GPC5: variants seen among roughly 807,000 people sequenced by gnomAD.
The protein encoded by GPC5 is glypican 5.
Under a neutral mutation model 53.9 loss-of-function variants are expected in GPC5, and 47 were observed. The ratio of observed to expected loss-of-function variants is 0.87; its 90% CI spans 0.69 to 1.11. The LOEUF (loss-of-function observed/expected upper bound fraction) is 1.11, where lower values mean the gene tolerates loss of function less well. Among genes scored for constraint, GPC5 ranks in the 50% most tolerant of loss-of-function variants. GPC5 has a pLI of 0.00. For synonymous variants in GPC5, 286 were observed against 263.3 expected (o/e 1.09, Z -0.84); for missense variants, 748 against 713.1 (o/e 1.05, Z -0.56).
At chr13:92,167,278 T>G (rs2042038455) in intron 7 of GPC5, among the ~76,000 whole-genome samples, 1 of 152,156 alleles carries the variant, frequency 6.6e-6, no homozygotes, top group Non-Finnish European at 1.5e-5. Context: ...TTACAACGCT[T>G]AAGTATTCAC....
chr13:92,236,303 C>T (rs2042569196), intron 7 of GPC5, among the ~76,000 whole-genome samples: 1 of 151,966 alleles, frequency 6.6e-6, no homozygotes, highest in South Asian at 2.1e-4. Context: ...CAAATTTAGT[C>T]TAAAATTGTA....
intron 7 of GPC5, among the ~76,000 whole-genome samples, chr13:92,698,501 A>AT (rs1459671603): frequency 6.6e-6 from 1 of 152,094 alleles, no homozygotes; most frequent in East Asian, 1.9e-4. Flanking sequence ...TGAACTCATC[A>AT]TTTTTTATGG....
chr13:92,650,801 T>A (rs193001142), intron 7 of GPC5, among the ~76,000 whole-genome samples: 3 of 152,316 alleles, frequency 2.0e-5, no homozygotes, highest in Admixed American at 1.3e-4. Context: ...ATTAATTTTT[T>A]AAAATTTTAC....
intron 3 of GPC5, among the ~76,000 whole-genome samples, chr13:91,697,924 C>T (rs367914003): frequency 5.6e-5 from 8 of 143,330 alleles, no homozygotes; most frequent in African/African-American, 2.1e-4. Context: ...TTTTTTGAGA[C>T]GGAGTCTCGC....
intron 7 of GPC5, among the ~76,000 whole-genome samples, chr13:92,472,231 C>T (rs1878941496): frequency 6.6e-6 from 1 of 151,964 alleles, no homozygotes. Context: ...TAGAATAATA[C>T]CATCTTAATC....
At chr13:92,658,937 T>TTG (rs1566347763) in intron 7 of GPC5, 2 of 138,446 alleles carry the variant, frequency 1.4e-5, no homozygotes, top group Non-Finnish European at 3.2e-5. Context: ...TTTTTTTTTT[T>TTG]TTTTTTTTTG....
At chr13:92,844,566 G>A (rs78458414) in intron 7 of GPC5, among the ~76,000 whole-genome samples, 1 of 151,250 alleles carries the variant, frequency 6.6e-6, no homozygotes, top group Non-Finnish European at 1.5e-5. Context: ...GTATACGTGT[G>A]TCCCTGCTTT....
chr13:92,140,270 A>G (rs1244397237), intron 6 of GPC5, among the ~76,000 whole-genome samples: 1 of 152,206 alleles, frequency 6.6e-6, no homozygotes, highest in African/African-American at 2.4e-5. Flanking sequence ...TCTGCAGTAG[A>G]AGCTGGGTAG....
intron 5 of GPC5, among the ~76,000 whole-genome samples, chr13:91,836,840 A>G (rs552069171): frequency 2.6e-5 from 4 of 151,578 alleles, no homozygotes; most frequent in Admixed American, 2.0e-4. Flanking sequence ...TATTTTAAAA[A>G]CCTTAAAAGT....
chr13:92,614,440 A>G (rs1884613848), intron 7 of GPC5, among the ~76,000 whole-genome samples: 1 of 152,164 alleles, frequency 6.6e-6, no homozygotes, highest in Non-Finnish European at 1.5e-5. Flanking sequence ...TTAAGTCCAG[A>G]TGCTCCTCCA....
intron 7 of GPC5, among the ~76,000 whole-genome samples, chr13:92,523,419 T>C (rs1360248851): frequency 6.6e-6 from 1 of 152,138 alleles, no homozygotes; most frequent in African/African-American, 2.4e-5. Flanking sequence ...TACCTCCTTT[T>C]TGTATGTAAC....
At chr13:92,245,768 T>C (rs1041142927) in intron 7 of GPC5, among the ~76,000 whole-genome samples, 5 of 152,134 alleles carry the variant, frequency 3.3e-5, no homozygotes, top group Admixed American at 2.0e-4. Context: ...ACATATTAAA[T>C]CTATAAATCT....
intron 7 of GPC5, among the ~76,000 whole-genome samples, chr13:92,323,068 C>A (rs182799497): frequency 4.2e-4 from 63 of 151,364 alleles, no homozygotes; most frequent in Admixed American, 1.1e-3. Flanking sequence ...ATTATATAAT[C>A]TATATACTGA....
At chr13:91,550,019 G>A (rs2030532185) in intron 2 of GPC5, among the ~76,000 whole-genome samples, 1 of 152,082 alleles carries the variant, frequency 6.6e-6, no homozygotes, top group Non-Finnish European at 1.5e-5. Flanking sequence ...TTCCTCAGTG[G>A]GTGAAATGTG....
chr13:91,499,972 C>G (rs1438615318), intron 2 of GPC5, among the ~76,000 whole-genome samples: 1 of 152,164 alleles, frequency 6.6e-6, no homozygotes, highest in Non-Finnish European at 1.5e-5. Flanking sequence ...TTCTGGAGTC[C>G]TTTTTGTGTT....
At chr13:91,767,135 C>T (rs2037541097) in intron 5 of GPC5, among the ~76,000 whole-genome samples, 1 of 152,096 alleles carries the variant, frequency 6.6e-6, no homozygotes, top group Admixed American at 6.5e-5. Context: ...AGTTTAGTGG[C>T]CTCTAGTGAA....
intron 2 of GPC5, among the ~76,000 whole-genome samples, chr13:91,668,703 G>T (rs182053691): frequency 9.9e-5 from 15 of 152,046 alleles, no homozygotes; most frequent in African/African-American, 3.6e-4. Flanking sequence ...AATAATTCCA[G>T]ACTATCATAA....
At chr13:92,797,867 AGAT>A (rs755988073) in intron 7 of GPC5, among the ~76,000 whole-genome samples, 28 of 136,950 alleles carry the variant, frequency 2.0e-4, no homozygotes, top group South Asian at 7.1e-4. Context: ...ATAGATAGAT[AGAT>A]GATAGATGAT....
chr13:92,274,346 C>G (rs551452336), intron 7 of GPC5, among the ~76,000 whole-genome samples: 1 of 152,206 alleles, frequency 6.6e-6, no homozygotes, highest in Non-Finnish European at 1.5e-5. Flanking sequence ...AACTTTTTCT[C>G]ACCTTCTCAC....
Sources: gnomAD v4.1 joint callset for allele counts (sites outside exome capture counted in the v4.1 genomes callset) on GRCh38, gnomAD v4.1.1 for gene constraint, MANE v1.5 for transcripts, NCBI Gene and HGNC (gene_info 2026-07-23, HGNC 2026-07-21) for gene names.